PAK5: variants seen among roughly 807,000 people sequenced by gnomAD.
PAK5 encodes the protein serine/threonine-protein kinase PAK 5.
A neutral mutation model predicts 65.9 loss-of-function variants in PAK5; 16 were observed. The ratio of observed to expected loss-of-function variants is 0.24; its 90% confidence interval spans 0.16 to 0.37. The LOEUF (loss-of-function observed/expected upper bound fraction) is 0.37, where lower values mean the gene tolerates loss of function less well. PAK5 is among the 10% of genes least tolerant of loss of function. The pLI, the probability that PAK5 is intolerant of heterozygous loss-of-function variation, is 1.00. For synonymous variants in PAK5, 371 were observed against 354.9 expected (o/e 1.05, Z -0.51); for missense variants, 785 against 903.9 (o/e 0.87, Z 1.69).
At chr20:9,689,879 G>A (rs950271092) in intron 2 of PAK5, among the ~76,000 whole-genome samples, 2 of 151,956 alleles carry the variant, frequency 1.3e-5, no homozygotes, top group African/African-American at 4.8e-5. Flanking sequence ...TGGGCTTCTG[G>A]GTCATTCTGA....
At chr20:9,639,264 G>C (rs746252836) in intron 3 of PAK5, among the ~76,000 whole-genome samples, 3 of 152,138 alleles carry the variant, frequency 2.0e-5, no homozygotes, top group Non-Finnish European at 4.4e-5. Flanking sequence ...CTTATTGTAA[G>C]AGTCTGGTAG....
intron 3 of PAK5, among the ~76,000 whole-genome samples, chr20:9,611,357 C>G (rs558339291): frequency 6.6e-6 from 1 of 152,304 alleles, no homozygotes; most frequent in South Asian, 2.1e-4. Context: ...ACCCAAACTG[C>G]CATTCCAGGA....
chr20:9,799,365 A>T (rs6141040), intron 1 of PAK5, among the ~76,000 whole-genome samples: 63,615 of 151,894 alleles, frequency 0.42, 13,919 homozygotes, highest in Admixed American at 0.49. Flanking sequence ...TCTTTTATTG[A>T]ACTTATGTCC....
chr20:9,680,139 A>G (rs998799568), intron 2 of PAK5, among the ~76,000 whole-genome samples: 2 of 152,216 alleles, frequency 1.3e-5, no homozygotes, highest in Non-Finnish European at 2.9e-5. Flanking sequence ...AACAATGGCT[A>G]CTGAGCACTA....
At chr20:9,836,844 A>G (rs7265559) in intron 1 of PAK5, among the ~76,000 whole-genome samples, 18,195 of 152,156 alleles carry the variant, frequency 0.12, 2,923 homozygotes, top group African/African-American at 0.37. Context: ...CATCTAGATA[A>G]GTCTTACTAT....
intron 1 of PAK5, among the ~76,000 whole-genome samples, chr20:9,768,790 C>CAA (rs35432047): frequency 3.9e-3 from 135 of 34,702 alleles, no homozygotes; most frequent in African/African-American, 4.9e-3. Context: ...GACTCCATCG[C>CAA]AAAAAAAAAA....
At chr20:9,754,383 G>A (rs2123626688) in intron 1 of PAK5, among the ~76,000 whole-genome samples, 1 of 152,230 alleles carries the variant, frequency 6.6e-6, no homozygotes, top group African/African-American at 2.4e-5. Flanking sequence ...TCGGGTCAGA[G>A]ATGAAATTAC....
At chr20:9,696,075 T>C (rs898443344) in intron 2 of PAK5, among the ~76,000 whole-genome samples, 1 of 152,114 alleles carries the variant, frequency 6.6e-6, no homozygotes, top group Admixed American at 6.6e-5. Context: ...AAGAGTTCAA[T>C]AGCTCCATGT....
intron 2 of PAK5, among the ~76,000 whole-genome samples, chr20:9,705,052 C>T (rs1246984329): frequency 6.6e-6 from 1 of 152,078 alleles, no homozygotes; most frequent in Non-Finnish European, 1.5e-5. Flanking sequence ...ATTTTCATTA[C>T]TTGGGGGTGC....
At chr20:9,716,086 T>C (rs1225201892) in intron 1 of PAK5, among the ~76,000 whole-genome samples, 2 of 61,390 alleles carry the variant, frequency 3.3e-5, no homozygotes, top group East Asian at 6.3e-4. Flanking sequence ...AGAAAGAACA[T>C]GCAGTAGCTG....
intron 2 of PAK5, among the ~76,000 whole-genome samples, chr20:9,656,962 G>A (rs1367642822): frequency 6.6e-6 from 1 of 152,150 alleles, no homozygotes; most frequent in Non-Finnish European, 1.5e-5. Context: ...CCCCCCATTT[G>A]TACATCTTAC....
At chr20:9,696,963 G>A (rs1015951916) in intron 2 of PAK5, among the ~76,000 whole-genome samples, 1 of 152,010 alleles carries the variant, frequency 6.6e-6, no homozygotes, top group Non-Finnish European at 1.5e-5. Context: ...ATGAATGAAT[G>A]GATAGATGGA....
chr20:9,697,199 C>T (rs1347768511), intron 2 of PAK5, among the ~76,000 whole-genome samples: 4 of 152,042 alleles, frequency 2.6e-5, no homozygotes, highest in Admixed American at 2.0e-4. Flanking sequence ...ACGCGAACTC[C>T]ATAAGGGTAA....
intron 1 of PAK5, among the ~76,000 whole-genome samples, chr20:9,825,602 G>T (rs1318774368): frequency 6.6e-6 from 1 of 152,018 alleles, no homozygotes; most frequent in Non-Finnish European, 1.5e-5. Flanking sequence ...AAACACAACA[G>T]AAATTTTAAA....
At chr20:9,697,062 A>C (rs1228231236) in intron 2 of PAK5, among the ~76,000 whole-genome samples, 1 of 152,124 alleles carries the variant, frequency 6.6e-6, no homozygotes, top group Non-Finnish European at 1.5e-5. Flanking sequence ...ATTTTAGCAC[A>C]AAATGACCTG....
At chr20:9,687,886 G>GGTGTGT (rs111641971) in intron 2 of PAK5, among the ~76,000 whole-genome samples, 14,626 of 148,660 alleles carry the variant, frequency 0.098, 968 homozygotes, top group African/African-American at 0.2. Flanking sequence ...AAGAGAGGGA[G>GGTGTGT]GTGTGTGTGT....
At chr20:9,814,851 C>T (rs1264082753) in intron 1 of PAK5, among the ~76,000 whole-genome samples, 4 of 152,102 alleles carry the variant, frequency 2.6e-5, no homozygotes, top group Non-Finnish European at 4.4e-5. Flanking sequence ...AGCCATATGT[C>T]TTAGTCTGTT....
chr20:9,701,639 A>G (rs1000085704), intron 2 of PAK5, among the ~76,000 whole-genome samples: 1 of 152,174 alleles, frequency 6.6e-6, no homozygotes, highest in South Asian at 2.1e-4. Context: ...GGTAGTATGC[A>G]GTCTAGGTAA....
At chr20:9,806,414 G>C (rs948690244) in intron 1 of PAK5, among the ~76,000 whole-genome samples, 1 of 152,150 alleles carries the variant, frequency 6.6e-6, no homozygotes, top group Non-Finnish European at 1.5e-5. Flanking sequence ...ACAAGGCAGA[G>C]CATTTGTATC....
Sources: allele counts gnomAD v4.1 joint callset (sites outside exome capture counted in the v4.1 genomes callset), GRCh38; gene constraint gnomAD v4.1.1; transcripts MANE v1.5; gene names NCBI Gene and HGNC (gene_info 2026-07-23, HGNC 2026-07-21).